Variants in GTF2H5 observed in about 807,000 individuals in gnomAD.
GTF2H5 encodes the protein general transcription factor IIH subunit 5, also known as TFB5 ortholog.
GTF2H5 carries 5 observed loss-of-function variants against 7.1 expected under a neutral mutation model. That is an observed-to-expected ratio of 0.71 (90% CI 0.37 to 1.49). The LOEUF is 1.49. Among genes scored for constraint, GTF2H5 ranks in the 40% most tolerant of loss-of-function variants. The pLI is 0.03. For synonymous variants in GTF2H5, 30 were observed against 31.7 expected (o/e 0.95, Z 0.18); for missense variants, 80 against 83.0 (o/e 0.96, Z 0.14).
Position 158,193,265 on chromosome 6 carries a change from G to A in GTF2H5, c.*1108G>A, listed in dbSNP as rs1229149347. The A allele has an allele frequency of 9.2e-5, 14 of 152,010 alleles. No homozygotes were observed. Among genetic ancestry groups the A allele is most frequent in the Non-Finnish European group, 1.9e-4 (13 of 68,050 alleles). The allele number at this position is 152,010 out of a possible 1,614,324, so 9.4% of individuals were successfully genotyped here. Reference sequence around the variant, plus strand: ...TACTGCCACTCCAGCCTAGGTGACAGAGTGAGACCCTGTCTCCAAAAAAAA... The same window carrying A: ...TACTGCCACTCCAGCCTAGGTGACAAAGTGAGACCCTGTCTCCAAAAAAAA... On this transcript the variant is annotated 3_prime_UTR_variant, in exon 3 of 3. Coordinates refer to ENST00000607778, the MANE Select transcript of GTF2H5 (RefSeq NM_207118.3).
At chr6:158,179,081 G>A (rs376499079) in intron 2 of GTF2H5, among the ~76,000 whole-genome samples, 1 of 152,098 alleles carries the variant, frequency 6.6e-6, no homozygotes, top group Admixed American at 6.6e-5. Flanking sequence ...CAGTTTTCCC[G>A]ACACCATTTA....
intron 2 of GTF2H5, among the ~76,000 whole-genome samples, chr6:158,181,436 C>A (rs894251360): frequency 6.6e-6 from 1 of 152,136 alleles, no homozygotes; most frequent in South Asian, 2.1e-4. Context: ...TGTTAATTTT[C>A]TGTCTCATTG....
chr6:158,175,044 G>GTGTGTGTGTGTGTA lies in GTF2H5; in HGVS notation c.35+4507_35+4508insGTGTGTGTGTGTAT. On this transcript the variant is annotated intron_variant, in intron 2 of 2. Coordinates refer to ENST00000607778, the MANE Select transcript of GTF2H5 (RefSeq NM_207118.3). ...TGTGTGTGTGTGTGTGTGTGTGTGTGTATACACACACACACACATACACAT... is the reference window on the plus strand; with the variant it reads ...TGTGTGTGTGTGTGTGTGTGTGTGTGTGTGTGTGTGTGTATATACACACACACACACATACACAT... Among the ~76,000 whole-genome samples, 1,023 of 142,842 alleles carry GTGTGTGTGTGTGTA rather than the reference G, an allele frequency of 7.2e-3. 11 individuals are homozygous for GTGTGTGTGTGTGTA. The highest frequency in any genetic ancestry group is 0.026 in the African/African-American group (969 of 37,598). The allele number at this position is 142,842 out of a possible 152,430, so 93.7% of individuals were successfully genotyped here. A position where few individuals can be genotyped will look rare whatever the true frequency, so the allele number is the denominator to read the frequency against.
chr6:158,182,621 A>T (rs1041287593), intron 2 of GTF2H5, among the ~76,000 whole-genome samples: 2 of 151,612 alleles, frequency 1.3e-5, no homozygotes, highest in African/African-American at 4.8e-5. Context: ...GTATTTCATG[A>T]ATTTGATCTT....
chr6:158,181,178 G>C (rs973510385), intron 2 of GTF2H5, among the ~76,000 whole-genome samples: 2 of 152,110 alleles, frequency 1.3e-5, no homozygotes, highest in African/African-American at 4.8e-5. Context: ...GTAGTTGTGT[G>C]GTTTTGAGTG....
intron 2 of GTF2H5, among the ~76,000 whole-genome samples, chr6:158,183,225 T>C (rs1786033563): frequency 6.6e-6 from 1 of 152,082 alleles, no homozygotes; most frequent in Non-Finnish European, 1.5e-5. Flanking sequence ...GAACAGTAAA[T>C]ATTGCTGCCT....
chr6:158,169,721 A>ATATAATATATTGTATATTATATATTG (rs1785801046), intron 1 of GTF2H5, among the ~76,000 whole-genome samples: 3 of 76,176 alleles, frequency 3.9e-5, no homozygotes, highest in Non-Finnish European at 7.1e-5. Context: ...ATTATATATT[A>ATATAATATATTGTATATTATATATTG]TATAATATAT....
chr6:158,172,375 G>A (rs778460507), intron 2 of GTF2H5, among the ~76,000 whole-genome samples: 6 of 151,232 alleles, frequency 4.0e-5, no homozygotes, highest in East Asian at 1.9e-4. Context: ...GCAGTGGCGC[G>A]ATCTTGGCTC....
intron 1 of GTF2H5, among the ~76,000 whole-genome samples, chr6:158,169,831 A>G (rs1389210514): frequency 9.5e-6 from 1 of 105,658 alleles, no homozygotes; most frequent in Non-Finnish European, 1.8e-5. Flanking sequence ...AAAAGTGTGT[A>G]TATATATACA....
chr6:158,188,409 C>A (rs1313782604), intron 2 of GTF2H5, among the ~76,000 whole-genome samples: 1 of 152,144 alleles, frequency 6.6e-6, no homozygotes, highest in Admixed American at 6.5e-5. Context: ...GAAACTGAAA[C>A]TTTGGTTTCT....
At chr6:158,185,337 C>G (rs955440156) in intron 2 of GTF2H5, among the ~76,000 whole-genome samples, 13 of 151,934 alleles carry the variant, frequency 8.6e-5, no homozygotes, top group African/African-American at 3.1e-4. Flanking sequence ...CCCAGGAGTT[C>G]AAGACCAGCC....
At chr6:158,191,048 A>T in intron 2 of GTF2H5, 1 of 422,912 alleles carries the variant, frequency 2.4e-6, no homozygotes, top group Non-Finnish European at 4.6e-6. Context: ...GCCTATTACA[A>T]GCCAAGCACT....
chr6:158,186,928 A>G (rs1323792087), intron 2 of GTF2H5, among the ~76,000 whole-genome samples: 1 of 152,210 alleles, frequency 6.6e-6, no homozygotes. Flanking sequence ...TATCACGCAG[A>G]TGAAGTCTCC....
intron 2 of GTF2H5, among the ~76,000 whole-genome samples, chr6:158,172,616 G>A (rs1785873189): frequency 6.6e-6 from 1 of 151,756 alleles, no homozygotes; most frequent in East Asian, 1.9e-4. Flanking sequence ...TTTTTGTTTT[G>A]GGTGTTTTTG....
chr6:158,185,267 C>G (rs1776900192), intron 2 of GTF2H5, among the ~76,000 whole-genome samples: 2 of 151,844 alleles, frequency 1.3e-5, no homozygotes, highest in South Asian at 4.1e-4. Flanking sequence ...GCATGCCAGA[C>G]ACGGTGGCAC....
rs1777148130 is a variant in GTF2H5 at position 158,198,573 on chromosome 6, C to T, written c.*6416C>T. ...ATCCCTATAGGCATGCGCCACCACA[C>T]TTTGCTAATCTTGTATTTTTGGTAG... On this transcript the variant is annotated 3_prime_UTR_variant, in exon 3 of 3. Coordinates refer to ENST00000607778, the MANE Select transcript of GTF2H5 (RefSeq NM_207118.3). The T allele has an allele frequency of 6.6e-6, 1 of 152,230 alleles. No individual in the cohort carries two copies. Among genetic ancestry groups the T allele is most frequent in the South Asian group, 2.1e-4 (1 of 4,834 alleles). The allele number at this position is 152,230 out of a possible 1,614,324, so 9.4% of individuals were successfully genotyped here. A position where few individuals can be genotyped will look rare whatever the true frequency, so the allele number is the denominator to read the frequency against.
rs1037597472 is a variant in GTF2H5 at position 158,199,239 on chromosome 6, G to A, written c.*7082G>A. The stretch of plus-strand genomic sequence containing the variant: ...TTTAAGTACAGTGTTCACTCTTTGG[G>A]TAATGTGTACAATAGAAGCCCAATC... On this transcript the variant is annotated 3_prime_UTR_variant, in exon 3 of 3. Transcript: ENST00000607778. The A allele has an allele frequency of 1.3e-5, 2 of 151,160 alleles. No homozygotes were observed. The highest frequency in any genetic ancestry group is 1.9e-4 in the East Asian group (1 of 5,186). 9.4% of individuals were successfully genotyped at this position (151,160 alleles called of 1,614,324 possible). A position where few individuals can be genotyped will look rare whatever the true frequency, so the allele number is the denominator to read the frequency against.
intron 2 of GTF2H5, among the ~76,000 whole-genome samples, chr6:158,177,799 T>C (rs1404742346): frequency 1.3e-5 from 2 of 152,140 alleles, no homozygotes; most frequent in Non-Finnish European, 2.9e-5. Context: ...CACCTCCCAC[T>C]TATGAGCGAG....
At chr6:158,191,484 T>C (rs1777023922) in intron 2 of GTF2H5, among the ~76,000 whole-genome samples, 1 of 142,904 alleles carries the variant, frequency 7.0e-6, no homozygotes, top group Non-Finnish European at 1.5e-5. Context: ...ACACTAATAG[T>C]TCTTTTTTTT....
Sources: gnomAD v4.1 joint callset for allele counts (sites outside exome capture counted in the v4.1 genomes callset) on GRCh38, gnomAD v4.1.1 for gene constraint, MANE v1.5 for transcripts, NCBI Gene and HGNC (gene_info 2026-07-23, HGNC 2026-07-21) for gene names.